Variants in COL26A1 observed in about 807,000 individuals in gnomAD.
COL26A1 encodes collagen type XXVI alpha 1 chain.
A neutral mutation model predicts 59.3 loss-of-function variants in COL26A1; 41 were observed. The ratio of observed to expected loss-of-function variants is 0.69; its 90% confidence interval spans 0.54 to 0.90. The LOEUF is 0.90. Ranked by LOEUF, COL26A1 falls within the 40% of genes least tolerant of loss-of-function variation. The pLI, the probability that COL26A1 is intolerant of heterozygous loss-of-function variation, is 0.00. For synonymous variants in COL26A1, 266 were observed against 256.0 expected, an observed-to-expected ratio of 1.04 and a Z score of -0.37; for missense variants, 612 against 602.3, an observed-to-expected ratio of 1.02 and a Z score of -0.17.
At position 101,557,677 on chromosome 7, in the gene COL26A1, A is replaced by T; in HGVS notation, c.*147A>T. On this transcript the variant is annotated 3_prime_UTR_variant, in exon 13 of 13. Transcript: ENST00000313669. ...ACATGGGGGGCTTTGGGGACAGATAATGTCTCCAGGGGCAGGGTCTGGAGG... is the reference window on the plus strand; with the variant it reads ...ACATGGGGGGCTTTGGGGACAGATATTGTCTCCAGGGGCAGGGTCTGGAGG... 1.2e-6 allele frequency: 1 copy of T among 809,042 alleles called. No individual in the cohort carries two copies. 50.1% of individuals were successfully genotyped at this position (809,042 alleles called of 1,614,324 possible). A position where few individuals can be genotyped will look rare whatever the true frequency, so the allele number is the denominator to read the frequency against.
At chr7:101,541,787 G>A (rs1795623291) in intron 5 of COL26A1, among the ~76,000 whole-genome samples, 1 of 152,086 alleles carries the variant, frequency 6.6e-6, no homozygotes, top group Admixed American at 6.6e-5. Flanking sequence ...AATCGATGAA[G>A]CCCTCCTGGT....
intron 3 of COL26A1, among the ~76,000 whole-genome samples, chr7:101,493,254 C>T (rs1475229370): frequency 6.6e-6 from 1 of 151,224 alleles, no homozygotes; most frequent in African/African-American, 2.4e-5. Flanking sequence ...CTCCCCACCC[C>T]GCCCACTCTA....
chr7:101,496,883 GA>G (rs34276328), intron 3 of COL26A1, among the ~76,000 whole-genome samples: 320 of 121,638 alleles, frequency 2.6e-3, no homozygotes, highest in East Asian at 0.011. Flanking sequence ...CTGTCTCAAA[GA>G]AAAAAAAAAA....
chr7:101,466,332 G>T (rs920300841), intron 3 of COL26A1, among the ~76,000 whole-genome samples: 3 of 152,094 alleles, frequency 2.0e-5, no homozygotes, highest in African/African-American at 7.2e-5. Context: ...TGGTGGTACA[G>T]AGTAGGCCTG....
At chr7:101,425,920 G>A (rs764039172) in intron 2 of COL26A1, among the ~76,000 whole-genome samples, 13 of 150,476 alleles carry the variant, frequency 8.6e-5, no homozygotes, top group Non-Finnish European at 1.3e-4. Flanking sequence ...TCTGCTTCCC[G>A]GGTTCAAGCG....
At chr7:101,478,349 G>T (rs1224349966) in intron 3 of COL26A1, among the ~76,000 whole-genome samples, 1 of 152,110 alleles carries the variant, frequency 6.6e-6, no homozygotes, top group Non-Finnish European at 1.5e-5. Flanking sequence ...GAGCGTGGTG[G>T]TAAATGTGTG....
chr7:101,535,226 A>G (rs1795457191), intron 4 of COL26A1, among the ~76,000 whole-genome samples: 2 of 152,154 alleles, frequency 1.3e-5, no homozygotes, highest in Admixed American at 6.5e-5. Context: ...AAATGTTTCC[A>G]CATGGGCTGA....
chr7:101,426,729 T>G (rs1376289185), intron 2 of COL26A1, among the ~76,000 whole-genome samples: 2 of 152,190 alleles, frequency 1.3e-5, no homozygotes, highest in African/African-American at 2.4e-5. Context: ...GGGAAGGTCC[T>G]GCACTGAGCC....
In COL26A1 at chr7:101,385,229, CACTA is replaced by C. The variant is rs1383388049; in HGVS notation, c.158+22040_158+22043del. On this transcript the variant is annotated intron_variant, in intron 1 of 12. Coordinates refer to ENST00000313669, the MANE Select transcript of COL26A1 (RefSeq NM_001278563.3). ...CACTATATATACACACACACACACA[CACTA>C]TATATATATATATATATACACACAC... 6.7e-3 allele frequency among the ~76,000 whole-genome samples: 171 copies of C among 25,540 alleles called. 2 individuals are homozygous for C. The highest frequency in any genetic ancestry group is 0.012 in the African/African-American group (146 of 12,554). The allele number at this position is 25,540 out of a possible 152,430, so 16.8% of individuals were successfully genotyped here.
chr7:101,530,476 G>C (rs548246018), intron 3 of COL26A1, among the ~76,000 whole-genome samples: 76 of 148,808 alleles, frequency 5.1e-4, no homozygotes, highest in African/African-American at 1.7e-3. Flanking sequence ...GCTGAGGCAG[G>C]AGAATCACTT....
At chr7:101,436,112 C>A (rs367670874) in intron 2 of COL26A1, among the ~76,000 whole-genome samples, 16 of 152,296 alleles carry the variant, frequency 1.1e-4, no homozygotes, top group South Asian at 8.3e-4. Flanking sequence ...CACTGCACCA[C>A]CCCGCACCGC....
intron 2 of COL26A1, among the ~76,000 whole-genome samples, chr7:101,445,476 A>G (rs191517008): frequency 0.033 from 5,020 of 151,778 alleles, 271 homozygotes; most frequent in African/African-American, 0.11. Context: ...TCACGCCTGT[A>G]ATCCCAGCAC....
chr7:101,476,889 G>T (rs1246183015), intron 3 of COL26A1, among the ~76,000 whole-genome samples: 1 of 150,728 alleles, frequency 6.6e-6, no homozygotes, highest in African/African-American at 2.4e-5. Context: ...TGTTGCCCAG[G>T]CTGAAGTGCA....
At chr7:101,461,132 C>T (rs147608757) in intron 3 of COL26A1, among the ~76,000 whole-genome samples, 16 of 152,106 alleles carry the variant, frequency 1.1e-4, no homozygotes, top group African/African-American at 2.9e-4. Context: ...CACCACACCA[C>T]GCCCAGCAAT....
In COL26A1 at chr7:101,453,992, C is replaced by T. The variant is rs1290515068; in HGVS notation, c.385+6205C>T. On this transcript the variant is annotated intron_variant, in intron 3 of 12. Transcript: ENST00000313669. ...AGGTCTAAGGTTTGGAAATACTTTCCTTTCTACATATGTCTATACATGATC... is the reference window on the plus strand; with the variant it reads ...AGGTCTAAGGTTTGGAAATACTTTCTTTTCTACATATGTCTATACATGATC... Among the ~76,000 whole-genome samples the T allele has an allele frequency of 2.6e-5, 4 of 152,110 alleles. No homozygotes were observed. The East Asian group carries it at 7.7e-4, about 29-fold the overall frequency.
chr7:101,539,952 C>A lies in COL26A1; in HGVS notation c.507C>A (p.Pro169=). ...GCCCGGACAACGACCTGCCAGCCCC[C>A]GAGAGCACTCCGCCGACCTGGAATG... The part of the protein sequence containing the change: ...PSSPDNDLPA[P]ESTPPTWNED... Residue 169 remains proline, a synonymous_variant, in exon 5 of 13, where the codon CCC becomes CCA. Transcript: ENST00000313669. 1.2e-6 allele frequency: 2 copies of A among 1,613,752 alleles called. No homozygotes were observed. Among genetic ancestry groups the A allele is most frequent in the East Asian group, 2.2e-5 (1 of 44,844 alleles).
At chr7:101,516,639 A>G (rs1055082142) in intron 3 of COL26A1, among the ~76,000 whole-genome samples, 3 of 152,178 alleles carry the variant, frequency 2.0e-5, no homozygotes, top group East Asian at 1.9e-4. Context: ...CTAGTCCCAC[A>G]TTCTCTAACC....
At chr7:101,409,573 T>C (rs1426315937) in intron 1 of COL26A1, among the ~76,000 whole-genome samples, 1 of 151,570 alleles carries the variant, frequency 6.6e-6, no homozygotes, top group East Asian at 1.9e-4. Context: ...TTCTGGAAGC[T>C]GGAAGTAGAA....
intron 1 of COL26A1, among the ~76,000 whole-genome samples, chr7:101,371,280 T>C (rs1023209528): frequency 1.3e-5 from 2 of 152,200 alleles, no homozygotes; most frequent in Non-Finnish European, 2.9e-5. Context: ...CATGGGGACT[T>C]GTCCCTCCGA....
Sources: allele counts gnomAD v4.1 joint callset (sites outside exome capture counted in the v4.1 genomes callset), GRCh38; gene constraint gnomAD v4.1.1; transcripts MANE v1.5; gene names NCBI Gene and HGNC (gene_info 2026-07-23, HGNC 2026-07-21).